ACAD9: variants seen among roughly 807,000 people sequenced by gnomAD.
ACAD9 encodes the protein complex I assembly factor ACAD9, mitochondrial.
A neutral mutation model predicts 70.2 loss-of-function variants in ACAD9; 53 were observed. The observed-to-expected ratio is 0.75, with a 90% CI of 0.61 to 0.95. The LOEUF (loss-of-function observed/expected upper bound fraction) is 0.95, where lower values mean the gene tolerates loss of function less well. Among genes scored for constraint, ACAD9 ranks in the 40% least tolerant of loss-of-function variants. The pLI is 0.00. For synonymous variants in ACAD9, 313 were observed against 312.1 expected, an observed-to-expected ratio of 1.00 and a Z score of -0.03; for missense variants, 777 against 802.8, an observed-to-expected ratio of 0.97 and a Z score of 0.39.
chr3:128,880,361 T>C (rs748829018), intron 1 of ACAD9, among the ~76,000 whole-genome samples: 7 of 152,222 alleles, frequency 4.6e-5, no homozygotes, highest in Non-Finnish European at 1.0e-4. Context: ...ACACTCATTG[T>C]CTTCTTAGAG....
At chr3:128,883,720 C>T (rs2107640452) in intron 1 of ACAD9, among the ~76,000 whole-genome samples, 1 of 152,044 alleles carries the variant, frequency 6.6e-6, no homozygotes, top group South Asian at 2.1e-4. Context: ...GGCAGGGATT[C>T]CTTTAAGTTG....
At chr3:128,903,399 T>C (rs1048831182) in intron 9 of ACAD9, among the ~76,000 whole-genome samples, 4 of 152,236 alleles carry the variant, frequency 2.6e-5, no homozygotes, top group Admixed American at 6.5e-5. Context: ...AGGGCTCTTC[T>C]TACTCAGGCA....
chr3:128,885,714 G>T (rs887985032), intron 2 of ACAD9, among the ~76,000 whole-genome samples: 49 of 151,038 alleles, frequency 3.2e-4, no homozygotes, highest in African/African-American at 1.2e-3. Context: ...TTAAAACTGA[G>T]AAATTTAAAA....
chr3:128,911,433 C>G (rs1936305930), intron 17 of ACAD9, among the ~76,000 whole-genome samples: 1 of 151,926 alleles, frequency 6.6e-6, no homozygotes, highest in Admixed American at 6.6e-5. Context: ...GCATGCCTGG[C>G]TGTATTCTCT....
intron 16 of ACAD9, 128 bp from the exon 17 acceptor site, chr3:128,910,613 G>GTGAC: frequency 9.9e-7 from 1 of 1,009,296 alleles, no homozygotes; most frequent in Non-Finnish European, 1.6e-6. Flanking sequence ...CCAAGACGGG[G>GTGAC]TGACTCCTGT....
chr3:128,899,133 A>G (rs910137251), intron 6 of ACAD9, among the ~76,000 whole-genome samples, 154 bp from the exon 7 acceptor site: 1 of 151,554 alleles, frequency 6.6e-6, no homozygotes, highest in Non-Finnish European at 1.5e-5. Context: ...CCTGTCCTCT[A>G]TTCACTCATG....
intron 12 of ACAD9, among the ~76,000 whole-genome samples, chr3:128,907,465 T>G (rs142458045): frequency 0.013 from 1,966 of 152,246 alleles, 23 homozygotes; most frequent in Non-Finnish European, 0.018. Context: ...GGGCTCTCGA[T>G]GTAGGGTGAG....
intron 1 of ACAD9, among the ~76,000 whole-genome samples, chr3:128,880,744 T>C (rs1316795525): frequency 6.6e-6 from 1 of 152,128 alleles, no homozygotes; most frequent in Non-Finnish European, 1.5e-5. Context: ...TTCACAGATG[T>C]GTTGTAGAGC....
At chr3:128,910,498 C>T (rs1936163188) in intron 16 of ACAD9, among the ~76,000 whole-genome samples, 1 of 152,182 alleles carries the variant, frequency 6.6e-6, no homozygotes, top group Non-Finnish European at 1.5e-5. Flanking sequence ...AGAGCACCTG[C>T]AGATACCAGG....
At chr3:128,879,962 G>A (rs1463384076) in intron 1 of ACAD9, 121 bp downstream of exon 1, 1 of 1,568,038 alleles carries the variant, frequency 6.4e-7, no homozygotes, top group Admixed American at 1.9e-5. Flanking sequence ...CCCTGCGGCC[G>A]AGGCGTGTTA....
At chr3:128,909,985 G>C in intron 15 of ACAD9, 36 bp from the exon 16 acceptor site, 1 of 1,610,364 alleles carries the variant, frequency 6.2e-7, no homozygotes, top group Non-Finnish European at 8.5e-7. Flanking sequence ...ACTGGTCTAG[G>C]TAGTGAGTCC....
intron 16 of ACAD9, among the ~76,000 whole-genome samples, chr3:128,910,518 T>A (rs993262779): frequency 1.3e-5 from 2 of 152,210 alleles, no homozygotes; most frequent in Non-Finnish European, 2.9e-5. Context: ...GATTGTGACA[T>A]CTGCCTTTCA....
Position 128,885,170 on chromosome 3 carries a change from T to A in ACAD9, c.244+424T>A, listed in dbSNP as rs144451804. Among the ~76,000 whole-genome samples the A allele has an allele frequency of 2.2e-4, 33 of 152,278 alleles. No homozygotes were observed. The East Asian group carries it at 4.8e-3, about 22-fold the overall frequency. On this transcript the variant is annotated intron_variant, in intron 2 of 17. Coordinates refer to ENST00000308982, the MANE Select transcript of ACAD9 (RefSeq NM_014049.5). The stretch of plus-strand genomic sequence containing the variant: ...TTTGGTAATTGTAAACAAAGAGTGA[T>A]TTGTGGACCAGCCACAGTTTGGCAC...
At chr3:128,900,535 T>C (rs1935708385) in intron 7 of ACAD9, among the ~76,000 whole-genome samples, 1 of 151,720 alleles carries the variant, frequency 6.6e-6, no homozygotes. Flanking sequence ...TTTTTTTTTT[T>C]TTTTTTAAAT....
intron 9 of ACAD9, among the ~76,000 whole-genome samples, chr3:128,903,167 G>T (rs1454662624): frequency 1.1e-4 from 17 of 152,200 alleles, no homozygotes; most frequent in Non-Finnish European, 4.4e-5. Context: ...GAACAGCCCT[G>T]TAACCATCCT....
At chr3:128,880,393 T>G (rs1935053742) in intron 1 of ACAD9, among the ~76,000 whole-genome samples, 1 of 152,198 alleles carries the variant, frequency 6.6e-6, no homozygotes, top group African/African-American at 2.4e-5. Context: ...GGGTTTGGTC[T>G]TGGCTCGTTG....
rs763017515 is a variant in ACAD9 at position 128,912,758 on chromosome 3, A to G, written c.*151A>G. ...CTGAAGGGTTGTCGCCTGGCCTGGG[A>G]GAGCCTCTTCCAGGTTTTGACCTGC... On this transcript the variant is annotated 3_prime_UTR_variant, in exon 18 of 18. Transcript: ENST00000308982. The G allele has an allele frequency of 4.5e-5, 36 of 792,744 alleles. No individual in the cohort carries two copies. The highest frequency in any genetic ancestry group is 7.4e-5 in the Non-Finnish European group (33 of 447,070). 49.1% of individuals were successfully genotyped at this position (792,744 alleles called of 1,614,324 possible).
chr3:128,881,727 T>G (rs540928927), intron 1 of ACAD9, among the ~76,000 whole-genome samples: 2 of 152,206 alleles, frequency 1.3e-5, no homozygotes, highest in Non-Finnish European at 2.9e-5. Context: ...GTTGACGCAC[T>G]TTCGTCTCTG....
chr3:128,891,546 G>A (rs1158337966), intron 2 of ACAD9, among the ~76,000 whole-genome samples: 4 of 152,186 alleles, frequency 2.6e-5, no homozygotes, highest in Non-Finnish European at 4.4e-5. Flanking sequence ...ACTTGAACCC[G>A]GCAGGCAGAG....
Sources: allele counts gnomAD v4.1 joint callset (sites outside exome capture counted in the v4.1 genomes callset), GRCh38; gene constraint gnomAD v4.1.1; transcripts MANE v1.5; gene names NCBI Gene and HGNC (gene_info 2026-07-23, HGNC 2026-07-21).